ROR1: variants seen among roughly 807,000 people sequenced by gnomAD.
ROR1 encodes the protein ROR family WNT receptor 1.
Under a neutral mutation model 78.8 loss-of-function variants are expected in ROR1, and 19 were observed. The ratio of observed to expected loss-of-function variants is 0.24; its 90% CI spans 0.17 to 0.35. The LOEUF (loss-of-function observed/expected upper bound fraction) is 0.35, where lower values mean the gene tolerates loss of function less well. ROR1 is among the 10% of genes least tolerant of loss of function. The pLI is 1.00. For synonymous variants in ROR1, 386 were observed against 433.6 expected (o/e 0.89, Z 1.36); for missense variants, 917 against 1,177.8 (o/e 0.78, Z 3.24).
chr1:63,839,994 T>A (rs1313999324), intron 1 of ROR1, among the ~76,000 whole-genome samples: 1 of 152,164 alleles, frequency 6.6e-6, no homozygotes, highest in Non-Finnish European at 1.5e-5. Context: ...CCCAAAACTC[T>A]GCATCTGAGA....
intron 7 of ROR1, chr1:64,143,480 A>ACTATGCCT: frequency 1.1e-6 from 1 of 898,328 alleles, no homozygotes; most frequent in Non-Finnish European, 1.3e-6. Context: ...CAAGTTTCCC[A>ACTATGCCT]GGCATAGTGG....
chr1:64,072,658 A>G (rs1647016586), intron 4 of ROR1, among the ~76,000 whole-genome samples: 1 of 152,142 alleles, frequency 6.6e-6, no homozygotes, highest in South Asian at 2.1e-4. Context: ...TCCTAGTAAA[A>G]ATAATAGTTC....
chr1:64,020,078 G>A (rs992048950), intron 2 of ROR1, among the ~76,000 whole-genome samples: 6 of 152,034 alleles, frequency 3.9e-5, no homozygotes, highest in Non-Finnish European at 8.8e-5. Context: ...TAAGAGACAA[G>A]GAATGAATTC....
chr1:63,937,479 C>G (rs1370163577), intron 1 of ROR1, among the ~76,000 whole-genome samples: 2 of 152,162 alleles, frequency 1.3e-5, no homozygotes. Flanking sequence ...ATCCTTCTAA[C>G]TTCTGCAGAT....
intron 1 of ROR1, among the ~76,000 whole-genome samples, chr1:63,861,791 GT>G (rs1645183802): frequency 6.6e-6 from 1 of 152,114 alleles, no homozygotes; most frequent in African/African-American, 2.4e-5. Context: ...GGTTCAAAAG[GT>G]TTTAGGAAGT....
At chr1:64,006,931 C>A (rs567791745) in intron 1 of ROR1, among the ~76,000 whole-genome samples, 1 of 151,976 alleles carries the variant, frequency 6.6e-6, no homozygotes, top group South Asian at 2.1e-4. Context: ...TAGTCAGTGA[C>A]GATGACATGT....
chr1:64,173,716 G>A (rs1008388720), intron 8 of ROR1, among the ~76,000 whole-genome samples: 3 of 152,188 alleles, frequency 2.0e-5, no homozygotes, highest in Non-Finnish European at 4.4e-5. Context: ...CTCAGTGGAG[G>A]GGAATGCAGC....
chr1:63,876,683 C>T (rs10889452), intron 1 of ROR1, among the ~76,000 whole-genome samples: 15,476 of 74,840 alleles, frequency 0.21, 1,019 homozygotes, highest in Middle Eastern at 0.24. Flanking sequence ...TGTGTGTGTG[C>T]GCGTGTGTGT....
intron 1 of ROR1, among the ~76,000 whole-genome samples, chr1:63,904,962 G>T (rs1002854111): frequency 6.6e-6 from 1 of 152,058 alleles, no homozygotes; most frequent in African/African-American, 2.4e-5. Context: ...CTGGCTCCTC[G>T]TGGGATCGCA....
intron 1 of ROR1, among the ~76,000 whole-genome samples, chr1:63,840,060 T>C (rs1375511933): frequency 6.6e-6 from 1 of 152,156 alleles, no homozygotes; most frequent in South Asian, 2.1e-4. Context: ...TGAGAGTTGG[T>C]AAATGGAGTC....
At chr1:63,829,773 G>A (rs1644975139) in intron 1 of ROR1, among the ~76,000 whole-genome samples, 1 of 152,116 alleles carries the variant, frequency 6.6e-6, no homozygotes, top group Non-Finnish European at 1.5e-5. Flanking sequence ...TTGATCCTAA[G>A]GACAGTGTGG....
chr1:64,084,017 G>A (rs894505118), intron 4 of ROR1, among the ~76,000 whole-genome samples: 37 of 152,152 alleles, frequency 2.4e-4, no homozygotes, highest in African/African-American at 8.9e-4. Context: ...AACTAATAAG[G>A]TCCTGGCATT....
At chr1:64,075,954 A>G in intron 4 of ROR1, among the ~76,000 whole-genome samples, 1 of 152,150 alleles carries the variant, frequency 6.6e-6, no homozygotes, top group Non-Finnish European at 1.5e-5. Flanking sequence ...GGAAAGTATG[A>G]TTGTCACTTT....
intron 1 of ROR1, among the ~76,000 whole-genome samples, chr1:63,879,628 C>A (rs1270562802): frequency 6.6e-6 from 1 of 152,050 alleles, no homozygotes; most frequent in Non-Finnish European, 1.5e-5. Context: ...TAATGCATAC[C>A]AATAAATAAA....
rs972273240 is a variant in ROR1 at position 64,127,842 on chromosome 1, G to C, written c.483-9527G>C. ...CTCGTGAGCTTCCAATCTCATACAG[G>C]CATTCTAATAACAAGTATTCACTTA... On this transcript the variant is annotated intron_variant, in intron 4 of 8. Coordinates refer to ENST00000371079, the MANE Select transcript of ROR1 (RefSeq NM_005012.4). Among the ~76,000 whole-genome samples, 81 of 152,106 alleles carry C rather than the reference G, an allele frequency of 5.3e-4. 1 individual carries two copies. Among genetic ancestry groups the C allele is most frequent in the Non-Finnish European group, 1.2e-4 (8 of 68,026 alleles).
chr1:63,844,049 T>C (rs1180355717), intron 1 of ROR1, among the ~76,000 whole-genome samples: 1 of 152,198 alleles, frequency 6.6e-6, no homozygotes, highest in Admixed American at 6.5e-5. Context: ...GGGGGCAGCA[T>C]ATCAGAGTGA....
At chr1:64,110,149 A>G (rs1569780717) in intron 4 of ROR1, among the ~76,000 whole-genome samples, 1 of 152,198 alleles carries the variant, frequency 6.6e-6, no homozygotes, top group Non-Finnish European at 1.5e-5. Context: ...CGTGGAGTTG[A>G]TGAACAAGTG....
At chr1:63,934,320 C>T (rs1645777066) in intron 1 of ROR1, among the ~76,000 whole-genome samples, 1 of 152,106 alleles carries the variant, frequency 6.6e-6, no homozygotes, top group Admixed American at 6.5e-5. Flanking sequence ...TGACTTTGGA[C>T]AAGAGACTTA....
At chr1:63,931,349 C>G (rs1318330394) in intron 1 of ROR1, among the ~76,000 whole-genome samples, 10 of 152,068 alleles carry the variant, frequency 6.6e-5, no homozygotes, top group Admixed American at 6.6e-4. Flanking sequence ...TTGTGTAGAA[C>G]AGTGGAAAGA....
Sources: allele counts gnomAD v4.1 joint callset (sites outside exome capture counted in the v4.1 genomes callset), GRCh38; gene constraint gnomAD v4.1.1; transcripts MANE v1.5; gene names NCBI Gene and HGNC (gene_info 2026-07-23, HGNC 2026-07-21).